CHL1: variants seen among roughly 807,000 people sequenced by gnomAD.
The protein encoded by CHL1 is cell adhesion molecule L1 like.
CHL1 carries 96 observed loss-of-function variants against 141.9 expected under a neutral mutation model. The ratio of observed to expected loss-of-function variants is 0.68; its 90% CI spans 0.57 to 0.80. CHL1 has a LOEUF of 0.80. Ranked by LOEUF, CHL1 falls within the 30% of genes least tolerant of loss-of-function variation. The pLI, the probability that CHL1 is intolerant of heterozygous loss-of-function variation, is 0.00. For synonymous variants in CHL1, 613 were observed against 502.2 expected (o/e 1.22, Z -2.95); for missense variants, 1,820 against 1,457.2 (o/e 1.25, Z -4.05).
At chr3:273,668 A>T (rs1266034146) in intron 2 of CHL1, among the ~76,000 whole-genome samples, 4 of 152,168 alleles carry the variant, frequency 2.6e-5, no homozygotes, top group Admixed American at 1.3e-4. Context: ...TGTCACATTT[A>T]TGTTTTCTAT....
intron 2 of CHL1, among the ~76,000 whole-genome samples, chr3:259,740 C>A (rs1045054735): frequency 1.3e-5 from 2 of 152,006 alleles, no homozygotes; most frequent in South Asian, 2.1e-4. Flanking sequence ...TTTGTCACAA[C>A]GAGTTTATTA....
intron 2 of CHL1, among the ~76,000 whole-genome samples, chr3:306,830 T>C (rs1044185342): frequency 6.6e-6 from 1 of 152,212 alleles, no homozygotes; most frequent in Admixed American, 6.5e-5. Flanking sequence ...TAATGTCATA[T>C]TCAAATGCTT....
At chr3:385,610 A>C (rs1462631513) in intron 19 of CHL1, 1 of 152,378 alleles carries the variant, frequency 6.6e-6, no homozygotes, top group East Asian at 1.9e-4. Context: ...CGGGCAGATC[A>C]CAAGATCAGG....
chr3:307,050 A>C (rs459427), intron 2 of CHL1, among the ~76,000 whole-genome samples: 85,956 of 152,096 alleles, frequency 0.57, 27,312 homozygotes, highest in African/African-American at 0.86. Context: ...TCTGACAATG[A>C]TTCCATATAG....
At chr3:217,030 A>G (rs1575617494) in intron 1 of CHL1, among the ~76,000 whole-genome samples, 1 of 152,142 alleles carries the variant, frequency 6.6e-6, no homozygotes, top group East Asian at 1.9e-4. Flanking sequence ...TTAGCAGTTT[A>G]AAAGTCTGCA....
chr3:269,455 G>A (rs1443056960), intron 2 of CHL1, among the ~76,000 whole-genome samples: 1 of 152,132 alleles, frequency 6.6e-6, no homozygotes, highest in African/African-American at 2.4e-5. Context: ...AGGGTCAGTG[G>A]AGCACCTACA....
Position 382,875 on chromosome 3 carries a change from A to C in CHL1, c.2176+204A>C, listed in dbSNP as rs533744693. On this transcript the variant is annotated intron_variant, in intron 18 of 27. Transcript: ENST00000256509. The stretch of plus-strand genomic sequence containing the variant: ...ACGAGTTCGATAAAAGCAGGAAATT[A>C]GGGGAGTGACATATGAAAAAAAAAC... 11 of 564,426 alleles carry C rather than the reference A, an allele frequency of 1.9e-5. No individual in the cohort carries two copies. In the African/African-American group the frequency reaches 2.1e-4, roughly 11 times the overall value. 35.0% of individuals were successfully genotyped at this position (564,426 alleles called of 1,614,324 possible).
intron 1 of CHL1, among the ~76,000 whole-genome samples, chr3:231,782 G>T (rs993868794): frequency 6.6e-6 from 1 of 151,728 alleles, no homozygotes; most frequent in Non-Finnish European, 1.5e-5. Context: ...TCACCATGTT[G>T]GCTAGGCTGG....
At chr3:402,030 A>G (rs1709182464) in intron 27 of CHL1, among the ~76,000 whole-genome samples, 1 of 152,196 alleles carries the variant, frequency 6.6e-6, no homozygotes, top group Non-Finnish European at 1.5e-5. Flanking sequence ...TCCAATTTGC[A>G]TCCACACACG....
intron 2 of CHL1, among the ~76,000 whole-genome samples, chr3:272,377 G>C (rs1481326559): frequency 2.0e-5 from 3 of 152,064 alleles, no homozygotes; most frequent in Non-Finnish European, 2.9e-5. Flanking sequence ...CCAGGTTTTA[G>C]GTTTGGTAAT....
intron 2 of CHL1, among the ~76,000 whole-genome samples, chr3:296,248 C>T (rs1334660762): frequency 6.6e-6 from 1 of 152,124 alleles, no homozygotes; most frequent in Non-Finnish European, 1.5e-5. Flanking sequence ...ACCTATCCTC[C>T]ATATACAGAT....
intron 2 of CHL1, among the ~76,000 whole-genome samples, chr3:300,645 A>G (rs1045078188): frequency 2.6e-5 from 4 of 152,190 alleles, no homozygotes; most frequent in African/African-American, 7.2e-5. Context: ...CAAAGCCTGA[A>G]TGTTTCTTAC....
In CHL1 at chr3:342,980, T is replaced by C; in HGVS notation, c.680-4T>C. On this transcript the variant is annotated splice_region_variant and splice_polypyrimidine_tract_variant and intron_variant, in intron 7 of 27. Transcript: ENST00000256509. The stretch of plus-strand genomic sequence containing the variant: ...TGTTTTTTCCTTCCGTTTTTTTATT[T>C]CAGTAAAGCATGCTAATGACTCAAG... 1 of 1,605,128 alleles carries C rather than the reference T, an allele frequency of 6.2e-7. No individual in the cohort carries two copies. Among genetic ancestry groups the C allele is most frequent in the Middle Eastern group, 1.7e-4 (1 of 6,018 alleles).
chr3:364,082 C>A, intron 14 of CHL1: 1 of 152,212 alleles, frequency 6.6e-6, no homozygotes, highest in East Asian at 1.9e-4. Context: ...CACTTTTCCT[C>A]ATACATATCT....
At chr3:357,824 T>A (rs1575153476) in intron 11 of CHL1, among the ~76,000 whole-genome samples, 2 of 152,212 alleles carry the variant, frequency 1.3e-5, no homozygotes, top group East Asian at 3.8e-4. Flanking sequence ...AATGCAGTGT[T>A]AATTCAGAGC....
chr3:219,400 T>G (rs1053077668), intron 1 of CHL1, among the ~76,000 whole-genome samples: 20 of 152,222 alleles, frequency 1.3e-4, no homozygotes, highest in African/African-American at 4.6e-4. Flanking sequence ...GCAGCACTAT[T>G]CACAATAGCA....
intron 24 of CHL1, among the ~76,000 whole-genome samples, chr3:395,358 C>G (rs150928063): frequency 6.6e-6 from 1 of 152,188 alleles, no homozygotes; most frequent in African/African-American, 2.4e-5. Flanking sequence ...TGCCAAGCAA[C>G]TGTCTGGGAA....
intron 2 of CHL1, among the ~76,000 whole-genome samples, chr3:283,574 T>C (rs1264402949): frequency 6.6e-6 from 1 of 152,232 alleles, no homozygotes; most frequent in Non-Finnish European, 1.5e-5. Flanking sequence ...CAATTTGATG[T>C]TAGCATATGA....
At chr3:209,856 C>G (rs1343809916) in intron 1 of CHL1, among the ~76,000 whole-genome samples, 1 of 152,210 alleles carries the variant, frequency 6.6e-6, no homozygotes, top group Non-Finnish European at 1.5e-5. Context: ...CCGTTGTTTA[C>G]AGATAGGATT....
Sources: gnomAD v4.1 joint callset for allele counts (sites outside exome capture counted in the v4.1 genomes callset) on GRCh38, gnomAD v4.1.1 for gene constraint, MANE v1.5 for transcripts, NCBI Gene and HGNC (gene_info 2026-07-23, HGNC 2026-07-21) for gene names.